STEAP1B: variants seen among roughly 807,000 people sequenced by gnomAD.
STEAP1B encodes the protein STEAP family protein MGC87042.
STEAP1B carries 13 observed loss-of-function variants against 27.9 expected under a neutral mutation model. The ratio of observed to expected loss-of-function variants is 0.47; its 90% confidence interval spans 0.30 to 0.74. The LOEUF is 0.74. Among genes scored for constraint, STEAP1B ranks in the 30% least tolerant of loss-of-function variants. The probability of loss-of-function intolerance (pLI) is 0.06; values close to 1 mark genes in which losing one functional copy is unlikely to be tolerated. For synonymous variants in STEAP1B, 86 were observed against 107.1 expected, an observed-to-expected ratio of 0.80 and a Z score of 1.22; for missense variants, 250 against 298.7, an observed-to-expected ratio of 0.84 and a Z score of 1.20.
intron 4 of STEAP1B, among the ~76,000 whole-genome samples, chr7:22,432,270 G>A (rs1016267336): frequency 3.9e-5 from 6 of 151,990 alleles, no homozygotes; most frequent in African/African-American, 1.5e-4. Context: ...TGGATGTGAT[G>A]GCTCACGCTT....
chr7:22,435,339 C>G (rs548406594), intron 4 of STEAP1B, among the ~76,000 whole-genome samples: 92 of 152,010 alleles, frequency 6.1e-4, no homozygotes, highest in South Asian at 1.2e-3. Context: ...AACAGAAGCA[C>G]CAGGCACAAA....
At chr7:22,455,729 G>A (rs1472216437) in intron 4 of STEAP1B, among the ~76,000 whole-genome samples, 2 of 152,142 alleles carry the variant, frequency 1.3e-5, no homozygotes, top group Non-Finnish European at 2.9e-5. Context: ...CTTCCAATGT[G>A]CTATTTCTCA....
intron 4 of STEAP1B, among the ~76,000 whole-genome samples, chr7:22,425,350 C>A (rs1011213463): frequency 6.6e-6 from 1 of 152,212 alleles, no homozygotes; most frequent in Non-Finnish European, 1.5e-5. Context: ...CTGGGGCCGT[C>A]CAGTATTATC....
chr7:22,495,132 G>A (rs1227964963), intron 1 of STEAP1B, among the ~76,000 whole-genome samples: 6 of 152,176 alleles, frequency 3.9e-5, no homozygotes, highest in Non-Finnish European at 7.3e-5. Flanking sequence ...TAACCCAGGT[G>A]CCTGTATGGA....
intron 1 of STEAP1B, among the ~76,000 whole-genome samples, chr7:22,496,939 ATAT>A (rs1786452615): frequency 6.6e-6 from 1 of 152,190 alleles, no homozygotes. Context: ...TATTTTCCAG[ATAT>A]TATCTATTTC....
intron 4 of STEAP1B, chr7:22,438,289 T>G (rs894189135): frequency 1.7e-6 from 1 of 585,368 alleles, no homozygotes; most frequent in Middle Eastern, 4.8e-4. Context: ...TTCCAGTATA[T>G]GCTTGGTGTC....
chr7:22,488,502 C>T lies in STEAP1B; in HGVS notation c.762+4063G>A, dbSNP rs185517640. 5.3e-5 allele frequency among the ~76,000 whole-genome samples: 8 copies of T among 152,318 alleles called. No individual in the cohort carries two copies. In the East Asian group the frequency reaches 1.4e-3, roughly 26 times the overall value. On this transcript the variant is annotated intron_variant, in intron 4 of 4. Coordinates refer to ENST00000678116, the MANE Select transcript of STEAP1B (RefSeq NM_001382447.1). ...AGGGCTTGAATAAGTGGACCCCACC[C>T]TCATCCTCACCCATGCTGTGTTGCA... is the stretch of plus-strand genomic sequence containing the variant.
At chr7:22,442,536 A>G (rs1467399216) in intron 4 of STEAP1B, among the ~76,000 whole-genome samples, 1 of 152,210 alleles carries the variant, frequency 6.6e-6, no homozygotes, top group Non-Finnish European at 1.5e-5. Flanking sequence ...CTCTTTCCCA[A>G]ATACCTGGGG....
At chr7:22,470,546 G>A (rs888707666) in intron 4 of STEAP1B, among the ~76,000 whole-genome samples, 10 of 152,056 alleles carry the variant, frequency 6.6e-5, no homozygotes, top group African/African-American at 2.4e-4. Flanking sequence ...TGAGGTGGCC[G>A]TATCACTTGA....
chr7:22,456,972 A>ATATATATATTTT, intron 4 of STEAP1B, among the ~76,000 whole-genome samples: 9 of 57,046 alleles, frequency 1.6e-4, no homozygotes, highest in African/African-American at 6.3e-4. Flanking sequence ...ATATATATAT[A>ATATATATATTTT]TTTTTTTTTT....
chr7:22,467,253 A>C (rs1785801178), intron 4 of STEAP1B, among the ~76,000 whole-genome samples: 1 of 152,160 alleles, frequency 6.6e-6, no homozygotes, highest in African/African-American at 2.4e-5. Flanking sequence ...GGAAATTCCC[A>C]AGTAATCTGC....
intron 4 of STEAP1B, chr7:22,438,649 C>T (rs1200150089): frequency 1.3e-6 from 2 of 1,551,990 alleles, no homozygotes; most frequent in Non-Finnish European, 1.7e-6. Context: ...GAAATGGATT[C>T]CACACTGCTG....
intron 4 of STEAP1B, among the ~76,000 whole-genome samples, chr7:22,452,972 G>A (rs1446347062): frequency 1.3e-5 from 2 of 152,066 alleles, no homozygotes; most frequent in African/African-American, 2.4e-5. Context: ...CAGGGAACAG[G>A]GGATAAACTA....
intron 4 of STEAP1B, among the ~76,000 whole-genome samples, chr7:22,423,737 A>G (rs1785072795): frequency 6.6e-6 from 1 of 152,202 alleles, no homozygotes; most frequent in South Asian, 2.1e-4. Context: ...TGAATTGTCT[A>G]TTTAAAATAG....
intron 4 of STEAP1B, among the ~76,000 whole-genome samples, chr7:22,430,979 C>G (rs1785180229): frequency 6.6e-6 from 1 of 152,166 alleles, no homozygotes; most frequent in South Asian, 2.1e-4. Flanking sequence ...TGCAATTATT[C>G]CTATCAAACG....
rs190959403 is a variant in STEAP1B at position 22,499,347 on chromosome 7, T to G, written c.-32+767A>C. On this transcript the variant is annotated intron_variant, in intron 1 of 4. Transcript: ENST00000678116. ...TTTTATACTTTCAAGTGCACACTTG[T>G]TTTACATTTAACTAAGTGAAGTCGA... Among the ~76,000 whole-genome samples the G allele has an allele frequency of 2.3e-3, 344 of 152,264 alleles. 1 individual carries two copies. Among genetic ancestry groups the G allele is most frequent in the South Asian group, 9.1e-3 (44 of 4,826 alleles).
At chr7:22,440,197 A>T (rs1486533221) in intron 4 of STEAP1B, among the ~76,000 whole-genome samples, 1 of 152,180 alleles carries the variant, frequency 6.6e-6, no homozygotes, top group Non-Finnish European at 1.5e-5. Context: ...CGAGGGGGGA[A>T]ATTAACAAAT....
At chr7:22,488,301 G>A (rs1786251389) in intron 4 of STEAP1B, among the ~76,000 whole-genome samples, 1 of 152,156 alleles carries the variant, frequency 6.6e-6, no homozygotes, top group African/African-American at 2.4e-5. Flanking sequence ...TTTCCTGCGG[G>A]AGCCCTGCAT....
chr7:22,480,098 A>C (rs1478820923), intron 4 of STEAP1B, among the ~76,000 whole-genome samples: 1 of 152,200 alleles, frequency 6.6e-6, no homozygotes, highest in African/African-American at 2.4e-5. Context: ...TGTTCTAGAA[A>C]GGAAGGTTAT....
Sources: gnomAD v4.1 joint callset for allele counts (sites outside exome capture counted in the v4.1 genomes callset) on GRCh38, gnomAD v4.1.1 for gene constraint, MANE v1.5 for transcripts, NCBI Gene and HGNC (gene_info 2026-07-23, HGNC 2026-07-21) for gene names.